MRPL52: variants seen among roughly 807,000 people sequenced by gnomAD.
MRPL52 encodes the protein large ribosomal subunit protein mL52.
A neutral mutation model predicts 22.1 loss-of-function variants in MRPL52; 19 were observed. The observed-to-expected ratio is 0.86, with a 90% CI of 0.60 to 1.26. The LOEUF (loss-of-function observed/expected upper bound fraction) is 1.26. Among genes scored for constraint, MRPL52 ranks in the 50% most tolerant of loss-of-function variants. The pLI is 0.00. For synonymous variants in MRPL52, 50 were observed against 57.5 expected, an observed-to-expected ratio of 0.87 and a Z score of 0.59; for missense variants, 152 against 148.1, an observed-to-expected ratio of 1.03 and a Z score of -0.14.
intron 3 of MRPL52, chr14:22,830,733 A>G (rs2039589206): frequency 6.5e-6 from 3 of 459,664 alleles, no homozygotes; most frequent in African/African-American, 2.0e-5. Flanking sequence ...CAAAAGAGAG[A>G]GGGAGGGAGA....
chr14:22,830,546 G>A, intron 3 of MRPL52: 1 of 463,974 alleles, frequency 2.2e-6, no homozygotes, highest in Non-Finnish European at 3.8e-6. Context: ...TTTCAAAGGG[G>A]GACATTTTTT....
At chr14:22,831,310 C>T (rs1470879114) in intron 3 of MRPL52, 2 of 326,400 alleles carry the variant, frequency 6.1e-6, no homozygotes, top group Non-Finnish European at 1.1e-5. Flanking sequence ...TAGAGACAGG[C>T]TCTTGCTATG....
intron 3 of MRPL52, 166 bp from the exon 4 acceptor site, chr14:22,833,252 C>T (rs776128739): frequency 5.0e-6 from 3 of 595,278 alleles, no homozygotes; most frequent in Non-Finnish European, 9.1e-6. Context: ...TATCGTACCT[C>T]ACCCTTGAAG....
At chr14:22,830,546 G>C in intron 3 of MRPL52, 2 of 463,974 alleles carry the variant, frequency 4.3e-6, no homozygotes, top group Non-Finnish European at 7.7e-6. Context: ...TTTCAAAGGG[G>C]GACATTTTTT....
In MRPL52 at chr14:22,832,820, G is replaced by A. The variant is rs559516906; in HGVS notation, c.155-598G>A. ...CTTGAACCTGGGAGGCGGAAGTTGCGGTGAGCTGAGATCATGCCATTGCAC... is the reference window on the plus strand; with the variant it reads ...CTTGAACCTGGGAGGCGGAAGTTGCAGTGAGCTGAGATCATGCCATTGCAC... On this transcript the variant is annotated intron_variant, in intron 3 of 4. Coordinates refer to ENST00000397496, the MANE Select transcript of MRPL52 (RefSeq NM_180982.3). 6.6e-5 allele frequency among the ~76,000 whole-genome samples: 10 copies of A among 151,494 alleles called. No individual in the cohort carries two copies. In the South Asian group the frequency reaches 1.9e-3, roughly 28 times the overall value.
rs1441209441 is a variant in MRPL52, at chr14:22,830,186, G to A, written c.87-1G>A. ...TCACAGATCTGTTTTTCTCCACACA[G>A]GCAGGGACTGGCTGCCAACCCCTCC... On this transcript the variant is annotated splice_acceptor_variant, in intron 2 of 4. Transcript: ENST00000397496. LOFTEE classifies it high-confidence loss of function. The A allele has an allele frequency of 6.2e-7, 1 of 1,614,118 alleles. No homozygotes were observed. The highest frequency in any genetic ancestry group is 1.3e-5 in the African/African-American group (1 of 74,944).
intron 3 of MRPL52, among the ~76,000 whole-genome samples, chr14:22,832,469 T>C (rs978357013): frequency 6.6e-6 from 1 of 151,934 alleles, no homozygotes; most frequent in Non-Finnish European, 1.5e-5. Flanking sequence ...GCCTCCCTAG[T>C]AGTTGAGACT....
At chr14:22,831,121 T>TTTTTC in intron 3 of MRPL52, 2 of 616,768 alleles carry the variant, frequency 3.2e-6, no homozygotes, top group East Asian at 4.3e-5. Flanking sequence ...TTTTTTTTTT[T>TTTTTC]TTTTTTTTTG....
chr14:22,830,725 A>G, intron 3 of MRPL52: 1 of 445,286 alleles, frequency 2.2e-6, no homozygotes, highest in Admixed American at 4.0e-5. Context: ...TTTACTTACA[A>G]AAGAGAGAGG....
chr14:22,834,381 T>C lies in MRPL52; in HGVS notation c.*60T>C, dbSNP rs1041155932. ...CTGGATTTCTTTTCTATCACCTAGA[T>C]GCTTCATCCAGCCAGAAGATAGCCT... On this transcript the variant is annotated 3_prime_UTR_variant, in exon 5 of 5. Transcript: ENST00000397496. The C allele has an allele frequency of 3.9e-6, 6 of 1,530,308 alleles. No individual in the cohort carries two copies. The highest frequency in any genetic ancestry group is 5.3e-6 in the Non-Finnish European group (6 of 1,138,310). The allele number at this position is 1,530,308 out of a possible 1,614,324, so 94.8% of individuals were successfully genotyped here.
In MRPL52 at chr14:22,830,261, G is replaced by T. The variant is rs1205779374; in HGVS notation, c.154+7G>T. The stretch of plus-strand genomic sequence containing the variant: ...CCAGACTGGTCATATGCGGGTAAGC[G>T]CTGATCTGGCAGTTAACTCCACTGG... On this transcript the variant is annotated splice_region_variant and intron_variant, in intron 3 of 4. Coordinates refer to ENST00000397496, the MANE Select transcript of MRPL52 (RefSeq NM_180982.3). The T allele has an allele frequency of 6.2e-7, 1 of 1,614,222 alleles. No homozygotes were observed. The highest frequency in any genetic ancestry group is 1.1e-5 in the South Asian group (1 of 91,080).
chr14:22,832,542 G>A (rs930815650), intron 3 of MRPL52, among the ~76,000 whole-genome samples: 7 of 151,714 alleles, frequency 4.6e-5, no homozygotes, highest in Non-Finnish European at 8.8e-5. Context: ...GGGTTTCACC[G>A]TGTTAGCCAG....
rs1297830770 is a variant in MRPL52, at chr14:22,834,230, G to A, written c.278G>A (p.Arg93Lys). Residue 93 changes from arginine (R) to lysine (K), a missense_variant, in exon 5 of 5, where the codon AGG becomes AAG. Arg to Lys is a conservative substitution (Grantham distance 26). Transcript: ENST00000397496. The part of the protein sequence containing the change: ...MDAGLQAWQL[R>K]QQKLQEEQRK... ...GCTGGATTACAAGCATGGCAGCTCA[G>A]GCAGCAGAAGTTGCAGGAAGAACAA... 6.2e-7 allele frequency: 1 copy of A among 1,614,188 alleles called. No individual in the cohort carries two copies. Among genetic ancestry groups the A allele is most frequent in the Non-Finnish European group, 8.5e-7 (1 of 1,180,044 alleles).
chr14:22,834,115 TA>T lies in MRPL52; in HGVS notation c.220-56del. 6 of 1,574,154 alleles carry T rather than the reference TA, an allele frequency of 3.8e-6. No individual in the cohort carries two copies. The South Asian group carries it at 4.6e-5, about 12-fold the overall frequency. ...CTCTGAATTTGTAAGTGGAAGGATATATAGTATAGCGCTGAAGTCCCAGATG... is the reference window on the plus strand; with the variant it reads ...CTCTGAATTTGTAAGTGGAAGGATATTAGTATAGCGCTGAAGTCCCAGATG... On this transcript the variant is annotated intron_variant, in intron 4 of 4. Transcript: ENST00000397496.
intron 3 of MRPL52, 34 bp from the exon 4 acceptor site, chr14:22,833,384 T>G (rs1313390091): frequency 8.9e-6 from 13 of 1,458,682 alleles, no homozygotes; most frequent in African/African-American, 1.4e-5. Flanking sequence ...AGTCCATCTC[T>G]AACACTTGAC....
intron 3 of MRPL52, chr14:22,831,528 A>G (rs996019552): frequency 3.3e-5 from 5 of 152,438 alleles, no homozygotes; most frequent in African/African-American, 1.2e-4. Context: ...TACCTATCTC[A>G]TGTGGTTCTT....
chr14:22,832,276 G>A (rs1039272133), intron 3 of MRPL52, among the ~76,000 whole-genome samples: 1 of 152,168 alleles, frequency 6.6e-6, no homozygotes, highest in Admixed American at 6.5e-5. Flanking sequence ...TGTGGAGTGG[G>A]ATGGAATTTA....
chr14:22,833,006 C>T (rs1314229752), intron 3 of MRPL52, among the ~76,000 whole-genome samples: 2 of 151,804 alleles, frequency 1.3e-5, no homozygotes, highest in African/African-American at 2.4e-5. Flanking sequence ...GGTGAAATCC[C>T]GTCTCTACTA....
chr14:22,834,292 T>G lies in MRPL52; in HGVS notation c.340T>G (p.Ser114Ala). The change falls in exon 5 of 5, where the codon TCA becomes GCA. Residue 114 changes from serine to alanine, a missense_variant. Transcript: ENST00000397496. Reference sequence around the variant, plus strand: ...AAATGCTCTTAAACCCAAAGGGGCTTCACTGAAGAGCCCACTTCCAAGTCA... The same window carrying G: ...AAATGCTCTTAAACCCAAAGGGGCTGCACTGAAGAGCCCACTTCCAAGTCA... Reference protein sequence around the residue: ...QENALKPKGASLKSPLPSQ With the variant: ...QENALKPKGAALKSPLPSQ The G allele has an allele frequency of 1.2e-6, 2 of 1,613,910 alleles. No individual in the cohort carries two copies. Among genetic ancestry groups the G allele is most frequent in the Non-Finnish European group, 1.7e-6 (2 of 1,179,954 alleles).
Sources: allele counts gnomAD v4.1 joint callset (sites outside exome capture counted in the v4.1 genomes callset), GRCh38; gene constraint gnomAD v4.1.1; transcripts MANE v1.5; gene names NCBI Gene and HGNC (gene_info 2026-07-23, HGNC 2026-07-21).